KLHL32: variants seen among roughly 807,000 people sequenced by gnomAD.
The protein encoded by KLHL32 is kelch like family member 32.
KLHL32 carries 35 observed loss-of-function variants against 64.8 expected under a neutral mutation model. The ratio of observed to expected loss-of-function variants is 0.54; its 90% confidence interval spans 0.41 to 0.72. The LOEUF is 0.72. Ranked by LOEUF, KLHL32 falls within the 30% of genes least tolerant of loss-of-function variation. KLHL32 has a pLI of 0.00. For missense variants in KLHL32, 589 were observed against 768.5 expected, an observed-to-expected ratio of 0.77 and a Z score of 2.76; for synonymous variants, 259 against 281.0, an observed-to-expected ratio of 0.92 and a Z score of 0.78.
chr6:97,104,953 C>T (rs1015896568), intron 6 of KLHL32, among the ~76,000 whole-genome samples: 4 of 152,210 alleles, frequency 2.6e-5, no homozygotes, highest in African/African-American at 9.7e-5. Flanking sequence ...ACACTTTTCT[C>T]TCTATGGCAG....
chr6:96,904,587 T>G, the KLHL32 span, among the ~76,000 whole-genome samples: 1 of 152,252 alleles, frequency 6.6e-6, no homozygotes, highest in South Asian at 2.1e-4. Flanking sequence ...ATTAATTAAT[T>G]TGATACACTT....
At chr6:97,099,687 G>A (rs1208584364) in intron 6 of KLHL32, among the ~76,000 whole-genome samples, 1 of 152,056 alleles carries the variant, frequency 6.6e-6, no homozygotes, top group African/African-American at 2.4e-5. Context: ...TGGGCTCTCT[G>A]GGCCACTTCT....
At chr6:97,105,775 A>G (rs1044393703) in intron 6 of KLHL32, among the ~76,000 whole-genome samples, 2 of 151,852 alleles carry the variant, frequency 1.3e-5, no homozygotes, top group East Asian at 3.9e-4. Flanking sequence ...CAAAAAAAAA[A>G]TACTTGTTAC....
chr6:97,094,756 A>C (rs1254709991), intron 6 of KLHL32, among the ~76,000 whole-genome samples: 2 of 152,204 alleles, frequency 1.3e-5, no homozygotes, highest in Non-Finnish European at 2.9e-5. Flanking sequence ...AAGAGTTACA[A>C]GTCAGTATTG....
intron 5 of KLHL32, among the ~76,000 whole-genome samples, chr6:97,072,588 A>C (rs1790926146): frequency 6.9e-6 from 1 of 144,824 alleles, no homozygotes; most frequent in Admixed American, 6.9e-5. Flanking sequence ...ACAATTTACT[A>C]CCCATGTGCA....
At position 96,994,417 on chromosome 6, in the gene KLHL32, GT is replaced by G. The variant is rs534005946; in HGVS notation, c.204+18248del. 18 of 759,200 alleles carry G rather than the reference GT, an allele frequency of 2.4e-5. No homozygotes were observed. The Admixed American group carries it at 6.9e-4, about 29-fold the overall frequency. The allele number at this position is 759,200 out of a possible 1,614,324, so 47.0% of individuals were successfully genotyped here. A position where few individuals can be genotyped will look rare whatever the true frequency, so the allele number is the denominator to read the frequency against. On this transcript the variant is annotated intron_variant, in intron 3 of 10. Transcript: ENST00000369261. ...AAATAAAACTATACAAATTATTTAT[GT>G]TTTTTTTCCTTTTAGTGTGATATGT...
intron 5 of KLHL32, among the ~76,000 whole-genome samples, chr6:97,069,829 A>ATC (rs1790419950): frequency 1.3e-5 from 2 of 152,086 alleles, no homozygotes; most frequent in African/African-American, 2.4e-5. Flanking sequence ...TCGGGGATTA[A>ATC]ATTTGACACT....
intron 1 of KLHL32, among the ~76,000 whole-genome samples, chr6:96,939,336 G>C (rs1374966779): frequency 2.0e-5 from 3 of 152,214 alleles, no homozygotes; most frequent in Non-Finnish European, 2.9e-5. Flanking sequence ...TTATGCCAAA[G>C]GCTGATGAGT....
At chr6:97,018,151 C>CGAG (rs80329988) in intron 3 of KLHL32, among the ~76,000 whole-genome samples, 24,500 of 151,582 alleles carry the variant, frequency 0.16, 4,580 homozygotes, top group African/African-American at 0.44. Flanking sequence ...AATATTGAAT[C>CGAG]GAAACTTTTT....
At chr6:97,108,766 C>T (rs535639755) in intron 6 of KLHL32, among the ~76,000 whole-genome samples, 146 of 152,152 alleles carry the variant, frequency 9.6e-4, no homozygotes, top group Non-Finnish European at 1.6e-3. Flanking sequence ...AATCAGCCAT[C>T]GATTTATAGA....
At chr6:97,033,045 C>T (rs1040043719) in intron 3 of KLHL32, among the ~76,000 whole-genome samples, 3 of 151,876 alleles carry the variant, frequency 2.0e-5, no homozygotes, top group Non-Finnish European at 4.4e-5. Context: ...AGAAACTTCA[C>T]TACATTTTAT....
chr6:96,968,254 A>G (rs1049648492), intron 2 of KLHL32, among the ~76,000 whole-genome samples: 2 of 152,192 alleles, frequency 1.3e-5, no homozygotes, highest in East Asian at 1.9e-4. Context: ...ATATCTGACA[A>G]TGTTTTTGGA....
intron 6 of KLHL32, among the ~76,000 whole-genome samples, chr6:97,112,097 A>G (rs1333824349): frequency 6.6e-6 from 1 of 152,106 alleles, no homozygotes; most frequent in Non-Finnish European, 1.5e-5. Context: ...ACAGGAATGT[A>G]TGTTCTCACT....
intron 5 of KLHL32, among the ~76,000 whole-genome samples, chr6:97,076,761 T>C (rs1158569441): frequency 6.6e-6 from 1 of 152,166 alleles, no homozygotes; most frequent in Non-Finnish European, 1.5e-5. Context: ...AAATAGCTTT[T>C]TCCCATCTTT....
At chr6:96,898,832 C>A in the KLHL32 span, among the ~76,000 whole-genome samples, 1 of 152,076 alleles carries the variant, frequency 6.6e-6, no homozygotes, top group African/African-American at 2.4e-5. Flanking sequence ...AAATAAAACC[C>A]ACCAGGAAGG....
intron 1 of KLHL32, among the ~76,000 whole-genome samples, chr6:96,960,071 T>A (rs1033102882): frequency 6.6e-6 from 1 of 152,212 alleles, no homozygotes; most frequent in Admixed American, 6.5e-5. Context: ...TCATTATGCC[T>A]TATTATCCAG....
intron 1 of KLHL32, among the ~76,000 whole-genome samples, chr6:96,945,929 G>C (rs1417235935): frequency 6.6e-6 from 1 of 152,138 alleles, no homozygotes; most frequent in Non-Finnish European, 1.5e-5. Context: ...CCCTGGAACT[G>C]AGGAGCTGGT....
intron 6 of KLHL32, among the ~76,000 whole-genome samples, chr6:97,091,131 C>T (rs1013140755): frequency 4.6e-5 from 7 of 152,198 alleles, no homozygotes; most frequent in African/African-American, 1.7e-4. Flanking sequence ...TTCACCTGAG[C>T]CCAAGAAGTT....
the KLHL32 span, among the ~76,000 whole-genome samples, chr6:96,901,949 T>C: frequency 2.6e-5 from 4 of 152,236 alleles, no homozygotes; most frequent in African/African-American, 9.6e-5. Context: ...TATTCCATGG[T>C]GTATATGTAC....
Sources: gnomAD v4.1 joint callset for allele counts (sites outside exome capture counted in the v4.1 genomes callset) on GRCh38, gnomAD v4.1.1 for gene constraint, MANE v1.5 for transcripts, NCBI Gene and HGNC (gene_info 2026-07-23, HGNC 2026-07-21) for gene names.